The following PHTF2 variants were observed in gnomAD, a reference collection of about 807,000 sequenced individuals.
PHTF2 encodes the protein protein PHTF2.
In PHTF2, 60 loss-of-function variants were observed where a neutral mutation model predicts 101.2. The observed-to-expected ratio is 0.59, with a 90% CI of 0.48 to 0.73. The LOEUF (loss-of-function observed/expected upper bound fraction) is 0.73, where lower values mean the gene tolerates loss of function less well. Among genes scored for constraint, PHTF2 ranks in the 30% least tolerant of loss-of-function variants. The pLI is 0.00. For synonymous variants in PHTF2, 311 were observed against 307.3 expected, an observed-to-expected ratio of 1.01 and a Z score of -0.13; for missense variants, 747 against 908.7, an observed-to-expected ratio of 0.82 and a Z score of 2.29.
intron 12 of PHTF2, among the ~76,000 whole-genome samples, chr7:77,929,947 ATTT>A (rs761290166): frequency 3.3e-5 from 4 of 122,130 alleles, no homozygotes; most frequent in Non-Finnish European, 5.1e-5. Context: ...GACTAGCCAC[ATTT>A]TTTTTTTTTT....
At chr7:77,955,094 G>T in exon 20 of PHTF2, 1 of 291,556 alleles carries the variant, frequency 3.4e-6, no homozygotes. Flanking sequence ...AAGCATTGAT[G>T]TACTTAGTTG....
intron 1 of PHTF2, among the ~76,000 whole-genome samples, chr7:77,808,980 T>C (rs1281357904): frequency 1.3e-5 from 2 of 152,212 alleles, no homozygotes; most frequent in African/African-American, 4.8e-5. Flanking sequence ...CTCTTGTATA[T>C]TGAGTTTTGA....
intron 16 of PHTF2, among the ~76,000 whole-genome samples, chr7:77,948,910 A>G (rs2150992541): frequency 6.6e-6 from 1 of 152,350 alleles, no homozygotes; most frequent in South Asian, 2.1e-4. Flanking sequence ...CCAAGAACCC[A>G]GTGATTTGGC....
intron 9 of PHTF2, among the ~76,000 whole-genome samples, chr7:77,915,238 G>T (rs1802797939): frequency 7.1e-6 from 1 of 141,446 alleles, no homozygotes; most frequent in South Asian, 2.3e-4. Flanking sequence ...TATTGTTTTT[G>T]AGATGGCGTC....
chr7:77,875,589 G>A (rs530522104), intron 3 of PHTF2, among the ~76,000 whole-genome samples: 4 of 151,042 alleles, frequency 2.6e-5, no homozygotes, highest in Non-Finnish European at 4.4e-5. Flanking sequence ...ATGGAGTCTC[G>A]CTGTGTTGCC....
chr7:77,853,822 A>T (rs1483564354), intron 2 of PHTF2, among the ~76,000 whole-genome samples: 1 of 152,148 alleles, frequency 6.6e-6, no homozygotes, highest in Admixed American at 6.6e-5. Flanking sequence ...TTTTTCTAAT[A>T]GGATTCCAAA....
chr7:77,922,786 C>G lies in PHTF2; in HGVS notation c.1119+8C>G, dbSNP rs1803601363. 6.4e-7 allele frequency: 1 copy of G among 1,562,736 alleles called. No homozygotes were observed. The stretch of plus-strand genomic sequence containing the variant: ...AAACATTACCCTAATGAGGTATATA[C>G]TTTGTCCTTAAGTGTATACATACGT... On this transcript the variant is annotated splice_region_variant and intron_variant, in intron 11 of 19. Coordinates refer to ENST00000416283, the Ensembl canonical transcript of PHTF2.
At chr7:77,844,956 T>G (rs1019644923) in intron 2 of PHTF2, among the ~76,000 whole-genome samples, 1 of 152,244 alleles carries the variant, frequency 6.6e-6, no homozygotes. Flanking sequence ...TGGTCCAGAG[T>G]AATTTTCAGT....
chr7:77,946,408 A>G (rs1806052809), intron 16 of PHTF2, among the ~76,000 whole-genome samples: 1 of 152,158 alleles, frequency 6.6e-6, no homozygotes, highest in Non-Finnish European at 1.5e-5. Context: ...TCTAGTCAGC[A>G]TTTGATGGAG....
chr7:77,802,883 C>T (rs538917708), intron 1 of PHTF2, among the ~76,000 whole-genome samples: 1 of 152,308 alleles, frequency 6.6e-6, no homozygotes, highest in South Asian at 2.1e-4. Context: ...TCTCGTGCTT[C>T]TATCTTCTTC....
chr7:77,945,017 G>C (rs1274994740), intron 16 of PHTF2, among the ~76,000 whole-genome samples: 1 of 152,178 alleles, frequency 6.6e-6, no homozygotes, highest in South Asian at 2.1e-4. Flanking sequence ...TTTAGACATC[G>C]TGGGAGATCC....
chr7:77,854,496 A>G (rs891436070), intron 2 of PHTF2, among the ~76,000 whole-genome samples: 5 of 152,094 alleles, frequency 3.3e-5, no homozygotes, highest in African/African-American at 1.2e-4. Flanking sequence ...TTCAGTCAGC[A>G]GGTAGTAAAT....
chr7:77,830,826 C>T (rs1795022747), intron 1 of PHTF2, among the ~76,000 whole-genome samples: 1 of 152,220 alleles, frequency 6.6e-6, no homozygotes, highest in Non-Finnish European at 1.5e-5. Flanking sequence ...TTAGTCCATG[C>T]ATGACCCGCC....
At chr7:77,946,497 A>C (rs1489988991) in intron 16 of PHTF2, among the ~76,000 whole-genome samples, 1 of 152,136 alleles carries the variant, frequency 6.6e-6, no homozygotes, top group Non-Finnish European at 1.5e-5. Flanking sequence ...GATTGTTTAT[A>C]TAGAATATCC....
At chr7:77,845,590 C>T (rs936938480) in intron 2 of PHTF2, among the ~76,000 whole-genome samples, 1 of 152,164 alleles carries the variant, frequency 6.6e-6, no homozygotes, top group African/African-American at 2.4e-5. Context: ...TAGTTGGGAA[C>T]TTTAAATTTT....
chr7:77,849,057 G>A (rs1035485071), intron 2 of PHTF2, among the ~76,000 whole-genome samples: 13 of 151,898 alleles, frequency 8.6e-5, no homozygotes, highest in African/African-American at 2.7e-4. Flanking sequence ...TTGTTTCTGG[G>A]CTTCTATTGT....
At chr7:77,902,074 GAA>G (rs1471542755) in intron 7 of PHTF2, among the ~76,000 whole-genome samples, 154 bp downstream of exon 6, 1 of 150,262 alleles carries the variant, frequency 6.7e-6, no homozygotes, top group Non-Finnish European at 1.5e-5. Flanking sequence ...AAATATTTGA[GAA>G]AACAAAGCAG....
At chr7:77,924,238 TTACTG>T (rs1473605918) in intron 11 of PHTF2, 1 of 551,320 alleles carries the variant, frequency 1.8e-6, no homozygotes, top group Non-Finnish European at 2.3e-6. Context: ...ATTTTATAAA[TTACTG>T]TACTCTCTCC....
At chr7:77,947,543 A>G (rs1806157971) in intron 16 of PHTF2, among the ~76,000 whole-genome samples, 2 of 152,150 alleles carry the variant, frequency 1.3e-5, no homozygotes. Flanking sequence ...AGCCTGGGCG[A>G]CAGAGTGAGA....
Sources: allele counts gnomAD v4.1 joint callset (sites outside exome capture counted in the v4.1 genomes callset), GRCh38; gene constraint gnomAD v4.1.1; transcripts MANE v1.5; gene names NCBI Gene and HGNC (gene_info 2026-07-23, HGNC 2026-07-21).